The following CAMK2D variants were observed in gnomAD, a reference collection of about 807,000 sequenced individuals.
CAMK2D encodes the protein calcium/calmodulin-dependent protein kinase type II subunit delta.
A neutral mutation model predicts 84.0 loss-of-function variants in CAMK2D; 37 were observed. The observed-to-expected ratio is 0.44, with a 90% CI of 0.34 to 0.58. The LOEUF (loss-of-function observed/expected upper bound fraction) is 0.58, where lower values mean the gene tolerates loss of function less well. Ranked by LOEUF, CAMK2D falls within the 20% of genes least tolerant of loss-of-function variation. The pLI, the probability that CAMK2D is intolerant of heterozygous loss-of-function variation, is 0.02. For missense variants in CAMK2D, 448 were observed against 652.5 expected (o/e 0.69, Z 3.41); for synonymous variants, 202 against 212.5 (o/e 0.95, Z 0.43).
intron 3 of CAMK2D, among the ~76,000 whole-genome samples, chr4:113,659,120 G>A (rs1044461558): frequency 2.0e-5 from 3 of 152,092 alleles, no homozygotes; most frequent in African/African-American, 2.4e-5. Flanking sequence ...GCAGTTTTTC[G>A]AGTGTTTGAC....
chr4:113,642,619 C>T (rs1432068144), intron 3 of CAMK2D, among the ~76,000 whole-genome samples: 1 of 152,210 alleles, frequency 6.6e-6, no homozygotes, highest in Non-Finnish European at 1.5e-5. Context: ...CAACAATAGC[C>T]ATCTAGGCTA....
intron 3 of CAMK2D, among the ~76,000 whole-genome samples, chr4:113,649,547 T>C (rs868245790): frequency 4.6e-5 from 7 of 152,240 alleles, no homozygotes; most frequent in African/African-American, 1.2e-4. Context: ...CTGTTCACCA[T>C]CCAATATATT....
chr4:113,703,741 C>A (rs1326837927), intron 2 of CAMK2D, among the ~76,000 whole-genome samples: 1 of 151,782 alleles, frequency 6.6e-6, no homozygotes, highest in African/African-American at 2.4e-5. Context: ...TTACAAATAC[C>A]CTCTGAATGA....
At chr4:113,676,193 C>T (rs532166560) in intron 2 of CAMK2D, among the ~76,000 whole-genome samples, 1 of 152,272 alleles carries the variant, frequency 6.6e-6, no homozygotes, top group South Asian at 2.1e-4. Flanking sequence ...ACATTCTGGG[C>T]TATTTCAACA....
chr4:113,668,514 T>C (rs1157124859), intron 2 of CAMK2D, among the ~76,000 whole-genome samples: 1 of 152,204 alleles, frequency 6.6e-6, no homozygotes, highest in Non-Finnish European at 1.5e-5. Context: ...TTGCTAAAAA[T>C]GTGTCCAACT....
chr4:113,607,141 GA>G (rs146262998), intron 4 of CAMK2D, among the ~76,000 whole-genome samples: 4 of 147,852 alleles, frequency 2.7e-5, no homozygotes, highest in African/African-American at 5.0e-5. Flanking sequence ...GAAAGCTCAA[GA>G]AAAAAAAATC....
intron 2 of CAMK2D, among the ~76,000 whole-genome samples, chr4:113,670,773 A>G (rs989464676): frequency 3.9e-5 from 6 of 151,952 alleles, no homozygotes; most frequent in Admixed American, 3.9e-4. Context: ...CAAAAAAAAA[A>G]AAAAATTAGC....
intron 8 of CAMK2D, among the ~76,000 whole-genome samples, chr4:113,526,431 T>TGC (rs2098418078): frequency 1.3e-5 from 2 of 151,984 alleles, no homozygotes; most frequent in South Asian, 4.1e-4. Context: ...TGTGTGTGTG[T>TGC]GTGTGTGTGT....
intron 2 of CAMK2D, among the ~76,000 whole-genome samples, chr4:113,665,456 G>T (rs934726871): frequency 1.3e-5 from 2 of 152,090 alleles, no homozygotes; most frequent in Admixed American, 1.3e-4. Flanking sequence ...CTACAGAGAT[G>T]GATTACTTTT....
chr4:113,509,524 T>TATC, intron 13 of CAMK2D, 114 bp downstream of exon 13: 1 of 704,212 alleles, frequency 1.4e-6, no homozygotes, highest in African/African-American at 1.8e-5. Context: ...CTGCAACCTT[T>TATC]ATCAGAAACA....
At chr4:113,508,395 A>G (rs542112675) in intron 13 of CAMK2D, 27 of 672,030 alleles carry the variant, frequency 4.0e-5, no homozygotes, top group Admixed American at 7.5e-5. Context: ...ATGGAAGGAA[A>G]AAGTTCTGGA....
intron 2 of CAMK2D, among the ~76,000 whole-genome samples, chr4:113,731,336 T>C (rs1003334514): frequency 6.6e-6 from 1 of 152,158 alleles, no homozygotes; most frequent in Admixed American, 6.5e-5. Flanking sequence ...TCCCTAATTA[T>C]TTCTCAGGCC....
intron 16 of CAMK2D, among the ~76,000 whole-genome samples, chr4:113,481,706 ACTC>A (rs1387150221): frequency 6.6e-6 from 1 of 151,524 alleles, no homozygotes; most frequent in Non-Finnish European, 1.5e-5. Flanking sequence ...GGTCTCAAAA[ACTC>A]CTGGCCTCAA....
chr4:113,544,501 A>G (rs2098553357), intron 6 of CAMK2D, among the ~76,000 whole-genome samples: 2 of 152,178 alleles, frequency 1.3e-5, no homozygotes, highest in Admixed American at 1.3e-4. Flanking sequence ...ATATTTTACT[A>G]GTTGAGTGAT....
In CAMK2D at chr4:113,557,624, G is replaced by C. The variant is rs189803377; in HGVS notation, c.276-5528C>G. On this transcript the variant is annotated intron_variant, in intron 4 of 20. Coordinates refer to ENST00000511664, the MANE Select transcript of CAMK2D (RefSeq NM_001321571.2). ...ATCTTAATAATGAATTCAGGGCTGT[G>C]CAAGCTGTGTTTTGCAGATTAGCTC... 1.5e-3 allele frequency among the ~76,000 whole-genome samples: 224 copies of C among 152,334 alleles called. 2 individuals carry two copies. The highest frequency in any genetic ancestry group is 5.2e-3 in the African/African-American group (215 of 41,580).
intron 2 of CAMK2D, among the ~76,000 whole-genome samples, chr4:113,675,607 CAG>C (rs2099315072): frequency 6.6e-6 from 1 of 151,014 alleles, no homozygotes; most frequent in Non-Finnish European, 1.5e-5. Context: ...CCCATGGAAT[CAG>C]AGGAAAAGTA....
At chr4:113,679,247 G>T (rs79720135) in intron 2 of CAMK2D, among the ~76,000 whole-genome samples, 2,004 of 152,204 alleles carry the variant, frequency 0.013, 39 homozygotes, top group South Asian at 0.04. Flanking sequence ...ACTTTCAAAG[G>T]CTTGTTCTAA....
chr4:113,720,913 C>T (rs2099528885), intron 2 of CAMK2D, among the ~76,000 whole-genome samples: 1 of 152,058 alleles, frequency 6.6e-6, no homozygotes, highest in Admixed American at 6.6e-5. Context: ...ATTATTACAA[C>T]ATATTAAGTA....
intron 3 of CAMK2D, among the ~76,000 whole-genome samples, chr4:113,643,626 C>T (rs1340028270): frequency 1.3e-5 from 2 of 152,206 alleles, no homozygotes; most frequent in Non-Finnish European, 2.9e-5. Flanking sequence ...CATCTATGTA[C>T]AAAAGTAAGT....
Sources: allele counts gnomAD v4.1 joint callset (sites outside exome capture counted in the v4.1 genomes callset), GRCh38; gene constraint gnomAD v4.1.1; transcripts MANE v1.5; gene names NCBI Gene and HGNC (gene_info 2026-07-23, HGNC 2026-07-21).